Variants in ZNF804B observed in about 807,000 individuals in gnomAD.
The protein encoded by ZNF804B is zinc finger protein 804B, also known as zinc finger 804B.
ZNF804B carries 80 observed loss-of-function variants against 101.4 expected under a neutral mutation model. The observed-to-expected ratio is 0.79, with a 90% CI of 0.66 to 0.95. The LOEUF (loss-of-function observed/expected upper bound fraction) is 0.95, where lower values mean the gene tolerates loss of function less well. Among genes scored for constraint, ZNF804B ranks in the 40% least tolerant of loss-of-function variants. The pLI, the probability that ZNF804B is intolerant of heterozygous loss-of-function variation, is 0.00. For missense variants in ZNF804B, 1,673 were observed against 1,561.9 expected, an observed-to-expected ratio of 1.07 and a Z score of -1.20; for synonymous variants, 622 against 558.8, an observed-to-expected ratio of 1.11 and a Z score of -1.59.
intron 2 of ZNF804B, among the ~76,000 whole-genome samples, chr7:89,228,195 T>G (rs1789125575): frequency 6.6e-6 from 1 of 152,130 alleles, no homozygotes; most frequent in Non-Finnish European, 1.5e-5. Context: ...CTGCAGACCT[T>G]CGCAGTGAGT....
intron 2 of ZNF804B, among the ~76,000 whole-genome samples, chr7:89,235,313 G>A (rs1301749907): frequency 6.6e-6 from 1 of 152,080 alleles, no homozygotes; most frequent in Non-Finnish European, 1.5e-5. Context: ...GGTGTATATT[G>A]CACTTTCACA....
intron 2 of ZNF804B, among the ~76,000 whole-genome samples, chr7:89,320,723 T>C (rs1381585888): frequency 6.6e-6 from 1 of 152,042 alleles, no homozygotes; most frequent in African/African-American, 2.4e-5. Context: ...AGGTACACCA[T>C]AGTCAAACTT....
At chr7:89,084,077 A>C (rs887806226) in intron 1 of ZNF804B, among the ~76,000 whole-genome samples, 6 of 151,974 alleles carry the variant, frequency 3.9e-5, no homozygotes, top group Admixed American at 2.6e-4. Flanking sequence ...CTGTCAAGCT[A>C]TCTAAATCAC....
intron 1 of ZNF804B, among the ~76,000 whole-genome samples, chr7:89,133,499 A>T (rs1285266253): frequency 6.6e-6 from 1 of 152,016 alleles, no homozygotes; most frequent in African/African-American, 2.4e-5. Context: ...GGCTGGGTGC[A>T]TCTACCATTG....
intron 1 of ZNF804B, among the ~76,000 whole-genome samples, chr7:88,766,397 C>T (rs528174010): frequency 6.6e-6 from 1 of 152,302 alleles, no homozygotes; most frequent in South Asian, 2.1e-4. Flanking sequence ...TGAGATGACA[C>T]TCAGATAACA....
intron 1 of ZNF804B, among the ~76,000 whole-genome samples, chr7:88,908,755 T>C (rs1792507601): frequency 6.6e-6 from 1 of 151,864 alleles, no homozygotes; most frequent in Non-Finnish European, 1.5e-5. Flanking sequence ...TTATTCATCA[T>C]TCATTCAAGG....
chr7:88,953,030 G>T (rs1391620117), intron 1 of ZNF804B, among the ~76,000 whole-genome samples: 2 of 151,840 alleles, frequency 1.3e-5, no homozygotes, highest in Non-Finnish European at 1.5e-5. Flanking sequence ...GTTTCCTACC[G>T]CTGTAGACCA....
intron 1 of ZNF804B, among the ~76,000 whole-genome samples, chr7:88,876,664 A>G (rs964670742): frequency 3.9e-5 from 6 of 151,932 alleles, no homozygotes; most frequent in African/African-American, 1.5e-4. Flanking sequence ...TTTGCTGTTA[A>G]GTTCATGTGT....
intron 2 of ZNF804B, among the ~76,000 whole-genome samples, chr7:89,231,015 TATAA>T (rs1789184392): frequency 6.6e-6 from 1 of 152,104 alleles, no homozygotes; most frequent in Non-Finnish European, 1.5e-5. Context: ...ATACAAGGTG[TATAA>T]ATATTTTCTC....
chr7:89,297,849 A>G (rs537271591), intron 2 of ZNF804B, among the ~76,000 whole-genome samples: 5 of 151,484 alleles, frequency 3.3e-5, no homozygotes, highest in African/African-American at 1.2e-4. Context: ...GAGCAATTCC[A>G]AAGTTGGGAA....
At chr7:89,005,825 T>G (rs145830507) in intron 1 of ZNF804B, among the ~76,000 whole-genome samples, 6 of 152,128 alleles carry the variant, frequency 3.9e-5, no homozygotes, top group Admixed American at 1.3e-4. Context: ...TAGAAACTTA[T>G]TCTTTCACCA....
intron 1 of ZNF804B, among the ~76,000 whole-genome samples, chr7:89,040,001 G>A (rs7806867): frequency 0.46 from 69,794 of 151,630 alleles, 16,705 homozygotes; most frequent in Non-Finnish European, 0.52. Context: ...GATCATCATG[G>A]ATCTGGATAT....
At chr7:89,038,950 T>C (rs1244795155) in intron 1 of ZNF804B, among the ~76,000 whole-genome samples, 2 of 152,086 alleles carry the variant, frequency 1.3e-5, no homozygotes, top group Non-Finnish European at 2.9e-5. Flanking sequence ...GCATTTTTAC[T>C]GATGAACAAT....
At position 89,124,492 on chromosome 7, in the gene ZNF804B, T is replaced by C. The variant is rs80249564; in HGVS notation, c.109-93663T>C. Reference sequence around the variant, plus strand: ...GGACTTGAAATGACATTAATTACTCTAAGCCAGTAAATGTGTTCAGCACTT... The same window carrying C: ...GGACTTGAAATGACATTAATTACTCCAAGCCAGTAAATGTGTTCAGCACTT... On this transcript the variant is annotated intron_variant, in intron 1 of 3. Transcript: ENST00000333190. Among the ~76,000 whole-genome samples, 321 of 152,280 alleles carry C rather than the reference T, an allele frequency of 2.1e-3. 2 individuals carry two copies. Among genetic ancestry groups the C allele is most frequent in the African/African-American group, 7.5e-3 (311 of 41,556 alleles).
At chr7:89,100,070 T>A (rs1188231613) in intron 1 of ZNF804B, among the ~76,000 whole-genome samples, 1 of 152,186 alleles carries the variant, frequency 6.6e-6, no homozygotes, top group Non-Finnish European at 1.5e-5. Context: ...CACATGTATT[T>A]TATTGACAGT....
chr7:89,117,287 C>G (rs1790325180), intron 1 of ZNF804B, among the ~76,000 whole-genome samples: 1 of 152,132 alleles, frequency 6.6e-6, no homozygotes, highest in Non-Finnish European at 1.5e-5. Flanking sequence ...TAATCTGTTA[C>G]AGCAGTCATA....
chr7:89,333,513 A>T lies in ZNF804B; in HGVS notation c.531A>T (p.Ile177=), dbSNP rs187269414. 3 of 1,613,520 alleles carry T rather than the reference A, an allele frequency of 1.9e-6. No homozygotes were observed. In the Admixed American group the frequency reaches 5.0e-5, roughly 27 times the overall value. The part of the protein sequence containing the change: ...LLKGKNLPRI[I]SDKQRSTMPN... ...AAGGAAAAAATCTCCCCAGAATCAT[A>T]TCCGATAAACAGCGGTCCACCATGC... The change falls in exon 4 of 4, where the codon ATA becomes ATT. Residue 177 remains isoleucine, a synonymous_variant. Transcript: ENST00000333190.
intron 1 of ZNF804B, among the ~76,000 whole-genome samples, chr7:88,924,944 T>G (rs1010942918): frequency 6.6e-6 from 1 of 152,174 alleles, no homozygotes; most frequent in Non-Finnish European, 1.5e-5. Flanking sequence ...ATATCCCAAT[T>G]TTTAAAAATC....
chr7:88,963,697 CT>C (rs35083207), intron 1 of ZNF804B, among the ~76,000 whole-genome samples: 158 of 151,138 alleles, frequency 1.0e-3, no homozygotes, highest in African/African-American at 3.1e-3. Flanking sequence ...AAATTAAAAA[CT>C]TTTTTTTACA....
Sources: gnomAD v4.1 joint callset for allele counts (sites outside exome capture counted in the v4.1 genomes callset) on GRCh38, gnomAD v4.1.1 for gene constraint, MANE v1.5 for transcripts, NCBI Gene and HGNC (gene_info 2026-07-23, HGNC 2026-07-21) for gene names.